The following PNO1 variants were observed in gnomAD, a reference collection of about 807,000 sequenced individuals.
The protein encoded by PNO1 is partner of NOB1 homolog, also known as RNA-binding protein PNO1.
PNO1 carries 16 observed loss-of-function variants against 28.4 expected under a neutral mutation model. The observed-to-expected ratio is 0.56, with a 90% CI of 0.38 to 0.85. PNO1 has a LOEUF of 0.85. Among genes scored for constraint, PNO1 ranks in the 40% least tolerant of loss-of-function variants. PNO1 has a pLI of 0.00. For missense variants in PNO1, 304 were observed against 312.2 expected (o/e 0.97, Z 0.20); for synonymous variants, 115 against 110.8 (o/e 1.04, Z -0.24).
Position 68,158,548 on chromosome 2 carries a change from A to C in PNO1, c.357+19A>C, listed in dbSNP as rs374321996. ...AATCAGGGTAAGGAAAATCTCAATCATTTCCCAATACACCAGGCTTTCTCT... is the reference window on the plus strand; with the variant it reads ...AATCAGGGTAAGGAAAATCTCAATCCTTTCCCAATACACCAGGCTTTCTCT... On this transcript the variant is annotated intron_variant, in intron 2 of 6. Transcript: ENST00000263657. The C allele has an allele frequency of 3.5e-5, 56 of 1,602,798 alleles. No homozygotes were observed. The highest frequency in any genetic ancestry group is 4.6e-5 in the Non-Finnish European group (54 of 1,174,114).
rs1437721234 is a variant in PNO1 at position 68,175,775 on chromosome 2, T to A, written c.*973T>A. ...ACATAACCAATGTTGGGTATACAGATGCTTCTCAACTTATGATGGGTTTAG... is the reference window on the plus strand; with the variant it reads ...ACATAACCAATGTTGGGTATACAGAAGCTTCTCAACTTATGATGGGTTTAG... On this transcript the variant is annotated 3_prime_UTR_variant, in exon 7 of 7. Coordinates refer to ENST00000263657, the MANE Select transcript of PNO1 (RefSeq NM_020143.4). 6.6e-6 allele frequency: 1 copy of A among 152,246 alleles called. No individual in the cohort carries two copies. Among genetic ancestry groups the A allele is most frequent in the Admixed American group, 6.5e-5 (1 of 15,290 alleles). 9.4% of individuals were successfully genotyped at this position (152,246 alleles called of 1,614,324 possible). A position where few individuals can be genotyped will look rare whatever the true frequency, so the allele number is the denominator to read the frequency against.
intron 2 of PNO1, among the ~76,000 whole-genome samples, chr2:68,159,254 ATGTG>A (rs71825244): frequency 0.23 from 34,153 of 150,056 alleles, 4,097 homozygotes; most frequent in Non-Finnish European, 0.25. Flanking sequence ...ATGCATATAT[ATGTG>A]TGTGTGTGTG....
Position 68,174,980 on chromosome 2 carries a change from G to T in PNO1, c.*178G>T. The T allele has an allele frequency of 6.1e-6, 3 of 493,530 alleles. No homozygotes were observed. The highest frequency in any genetic ancestry group is 3.4e-5 in the South Asian group (1 of 29,240). The allele number at this position is 493,530 out of a possible 1,614,324, so 30.6% of individuals were successfully genotyped here. On this transcript the variant is annotated 3_prime_UTR_variant, in exon 7 of 7. Transcript: ENST00000263657. ...ATTTAAGAGGATTCACACTCAACAG[G>T]TTTTAGGATAATTTAAATATCAAAA...
At chr2:68,173,564 G>A (rs956561731) in intron 6 of PNO1, 147 bp downstream of exon 6, 9 of 444,108 alleles carry the variant, frequency 2.0e-5, no homozygotes, top group Non-Finnish European at 3.6e-5. Context: ...TGGGCCTAGA[G>A]AAGGAAGTAG....
At chr2:68,173,918 G>A (rs1472403825) in intron 6 of PNO1, among the ~76,000 whole-genome samples, 1 of 152,172 alleles carries the variant, frequency 6.6e-6, no homozygotes, top group Non-Finnish European at 1.5e-5. Context: ...CCATTTGTCT[G>A]CAAGAGAAGA....
At chr2:68,172,751 G>A (rs931609814) in intron 5 of PNO1, among the ~76,000 whole-genome samples, 11 of 152,120 alleles carry the variant, frequency 7.2e-5, no homozygotes, top group South Asian at 2.1e-4. Flanking sequence ...CTCCTCATCC[G>A]TAAAACAGGA....
intron 2 of PNO1, chr2:68,161,286 T>G (rs891256928): frequency 1.7e-5 from 8 of 472,520 alleles, no homozygotes; most frequent in Non-Finnish European, 3.5e-5. Context: ...CTAAGAAGAT[T>G]AAGTCAGGAA....
chr2:68,158,300 C>T (rs942380931), intron 1 of PNO1, 80 bp from the exon 2 acceptor site: 2 of 1,439,108 alleles, frequency 1.4e-6, no homozygotes, highest in African/African-American at 2.9e-5. Context: ...TAAAGGAGGC[C>T]CTTTGTGGAT....
chr2:68,158,071 G>A lies in PNO1; in HGVS notation c.137G>A (p.Arg46His), dbSNP rs868718983. The change falls in exon 1 of 7, where the codon CGC becomes CAC. Residue 46 changes from arginine (R) to histidine (H), a missense_variant. Transcript: ENST00000263657. Reference protein sequence around the residue: ...SAAGEGGDAGRMDTEEARPAK... With the variant: ...SAAGEGGDAGHMDTEEARPAK... ...GCAGGAGAGGGCGGGGATGCGGGCCGCATGGACACAGAGGAGGCCAGGCCG... is the reference window on the plus strand; with the variant it reads ...GCAGGAGAGGGCGGGGATGCGGGCCACATGGACACAGAGGAGGCCAGGCCG... 2.5e-6 allele frequency: 4 copies of A among 1,613,506 alleles called. No homozygotes were observed. The highest frequency in any genetic ancestry group is 3.4e-6 in the Non-Finnish European group (4 of 1,179,904).
chr2:68,162,269 C>G lies in PNO1; in HGVS notation c.446C>G (p.Ala149Gly), dbSNP rs1274890944. ...AFILGFQVED[A>G]LALIRLDDLF... ...GTGTTTGTTTTTATATTATAGGATG[C>G]ACTTGCCCTCATCAGGTTGGATGAC... is the stretch of plus-strand genomic sequence containing the variant. The change falls in exon 4 of 7, where the codon GCA (alanine) becomes GGA (glycine). Residue 149 changes from alanine (A) to glycine (G), a missense_variant. By Grantham distance (60) the Ala-to-Gly change is moderately conservative. Transcript: ENST00000263657. 1.9e-6 allele frequency: 3 copies of G among 1,609,992 alleles called. No individual in the cohort carries two copies. The highest frequency in any genetic ancestry group is 2.5e-6 in the Non-Finnish European group (3 of 1,176,630).
At chr2:68,170,606 G>A (rs1674101900) in intron 5 of PNO1, among the ~76,000 whole-genome samples, 1 of 151,912 alleles carries the variant, frequency 6.6e-6, no homozygotes, top group African/African-American at 2.4e-5. Context: ...AAATTAGTCG[G>A]GCGTGGTGGT....
At chr2:68,172,229 A>C (rs769534521) in intron 5 of PNO1, among the ~76,000 whole-genome samples, 8 of 152,196 alleles carry the variant, frequency 5.3e-5, no homozygotes, top group Non-Finnish European at 1.2e-4. Flanking sequence ...TGAGGACCGC[A>C]GCCAGGCAGG....
chr2:68,174,681 A>C, intron 6 of PNO1, 54 bp from the exon 7 acceptor site: 3 of 1,178,788 alleles, frequency 2.5e-6, no homozygotes, highest in Non-Finnish European at 3.8e-6. Flanking sequence ...GGACAACTGT[A>C]GGCGCTATAA....
At chr2:68,168,665 T>G (rs947363848) in intron 5 of PNO1, among the ~76,000 whole-genome samples, 1 of 152,246 alleles carries the variant, frequency 6.6e-6, no homozygotes, top group Non-Finnish European at 1.5e-5. Flanking sequence ...GTTTACAATT[T>G]GATATCTTAT....
At chr2:68,164,578 GA>G (rs1217804988) in intron 5 of PNO1, among the ~76,000 whole-genome samples, 2 of 151,962 alleles carry the variant, frequency 1.3e-5, no homozygotes, top group African/African-American at 4.8e-5. Context: ...TGGGAGGAAG[GA>G]ATGCTTGAGC....
intron 2 of PNO1, chr2:68,161,476 G>C: frequency 1.8e-6 from 1 of 547,168 alleles, no homozygotes; most frequent in South Asian, 2.0e-5. Context: ...GGGTGGAACA[G>C]CCAAGCTTTG....
Position 68,174,986 on chromosome 2 carries a change from G to T in PNO1, c.*184G>T. 6.2e-6 allele frequency: 3 copies of T among 485,348 alleles called. No individual in the cohort carries two copies. Among genetic ancestry groups the T allele is most frequent in the South Asian group, 3.5e-5 (1 of 28,370 alleles). The allele number at this position is 485,348 out of a possible 1,614,324, so 30.1% of individuals were successfully genotyped here. A position where few individuals can be genotyped will look rare whatever the true frequency, so the allele number is the denominator to read the frequency against. On this transcript the variant is annotated 3_prime_UTR_variant, in exon 7 of 7. Coordinates refer to ENST00000263657, the MANE Select transcript of PNO1 (RefSeq NM_020143.4). ...GAGGATTCACACTCAACAGGTTTTAGGATAATTTAAATATCAAAAATTGAT... is the reference window on the plus strand; with the variant it reads ...GAGGATTCACACTCAACAGGTTTTATGATAATTTAAATATCAAAAATTGAT...
chr2:68,175,284 G>A lies in PNO1; in HGVS notation c.*482G>A, dbSNP rs1190534585. 1 of 152,318 alleles carries A rather than the reference G, an allele frequency of 6.6e-6. No individual in the cohort carries two copies. Among genetic ancestry groups the A allele is most frequent in the Non-Finnish European group, 1.5e-5 (1 of 68,238 alleles). 9.4% of individuals were successfully genotyped at this position (152,318 alleles called of 1,614,324 possible). A position where few individuals can be genotyped will look rare whatever the true frequency, so the allele number is the denominator to read the frequency against. On this transcript the variant is annotated 3_prime_UTR_variant, in exon 7 of 7. Coordinates refer to ENST00000263657, the MANE Select transcript of PNO1 (RefSeq NM_020143.4). The stretch of plus-strand genomic sequence containing the variant: ...GTGAATATTTGTTTGTTGGCAGACA[G>A]GGTCTCACTTTGTCACCCAGGCTAG...
chr2:68,166,034 C>T (rs1213509039), intron 5 of PNO1, among the ~76,000 whole-genome samples: 2 of 152,298 alleles, frequency 1.3e-5, no homozygotes, highest in South Asian at 2.1e-4. Context: ...TCTTATTTTG[C>T]ATTTTCTAGA....
Sources: allele counts gnomAD v4.1 joint callset (sites outside exome capture counted in the v4.1 genomes callset), GRCh38; gene constraint gnomAD v4.1.1; transcripts MANE v1.5; gene names NCBI Gene and HGNC (gene_info 2026-07-23, HGNC 2026-07-21).